Variants in AGBL4 observed in about 807,000 individuals in gnomAD.
The protein encoded by AGBL4 is AGBL carboxypeptidase 4.
AGBL4 carries 58 observed loss-of-function variants against 66.4 expected under a neutral mutation model. The ratio of observed to expected loss-of-function variants is 0.87; its 90% confidence interval spans 0.71 to 1.09. The LOEUF (loss-of-function observed/expected upper bound fraction) is 1.09, where lower values mean the gene tolerates loss of function less well. Among genes scored for constraint, AGBL4 ranks in the 50% least tolerant of loss-of-function variants. The pLI is 0.00. For missense variants in AGBL4, 579 were observed against 631.0 expected, an observed-to-expected ratio of 0.92 and a Z score of 0.88; for synonymous variants, 234 against 222.9, an observed-to-expected ratio of 1.05 and a Z score of -0.44.
At chr1:48,733,802 G>A (rs1648557743) in intron 6 of AGBL4, among the ~76,000 whole-genome samples, 1 of 152,194 alleles carries the variant, frequency 6.6e-6, no homozygotes, top group African/African-American at 2.4e-5. Flanking sequence ...ATCAGCTTGT[G>A]GGTCTCTGTG....
At chr1:48,596,573 A>G (rs1332604408) in intron 9 of AGBL4, among the ~76,000 whole-genome samples, 1 of 152,170 alleles carries the variant, frequency 6.6e-6, no homozygotes, top group African/African-American at 2.4e-5. Context: ...TAAACAAAAT[A>G]ATGCAAAGGT....
At chr1:49,530,257 T>C (rs1650991946) in intron 3 of AGBL4, among the ~76,000 whole-genome samples, 1 of 25,410 alleles carries the variant, frequency 3.9e-5, no homozygotes, top group Non-Finnish European at 9.9e-5. Context: ...AAGTAGAATT[T>C]GTAAAAAAAA....
chr1:48,757,656 T>C (rs1363069764), intron 6 of AGBL4, among the ~76,000 whole-genome samples: 1 of 152,226 alleles, frequency 6.6e-6, no homozygotes, highest in Non-Finnish European at 1.5e-5. Context: ...ACTGAGCCAC[T>C]ACCTTGGGGA....
At chr1:50,004,724 T>C (rs772119591) in intron 1 of AGBL4, among the ~76,000 whole-genome samples, 3 of 152,058 alleles carry the variant, frequency 2.0e-5, no homozygotes, top group Non-Finnish European at 2.9e-5. Flanking sequence ...GGATGCATCA[T>C]TTGCTGATTA....
intron 3 of AGBL4, among the ~76,000 whole-genome samples, chr1:49,639,238 C>T (rs1464881129): frequency 6.6e-6 from 1 of 152,110 alleles, no homozygotes; most frequent in African/African-American, 2.4e-5. Context: ...TCGTGGTAAT[C>T]CATTCTAACA....
intron 2 of AGBL4, among the ~76,000 whole-genome samples, chr1:49,757,793 A>G (rs144992178): frequency 4.4e-3 from 669 of 152,288 alleles, no homozygotes; most frequent in Middle Eastern, 0.01. Flanking sequence ...GAAGAAGAGC[A>G]TGAAAGTTTG....
intron 11 of AGBL4, among the ~76,000 whole-genome samples, chr1:48,540,492 C>T (rs558496710): frequency 6.6e-6 from 1 of 152,094 alleles, no homozygotes; most frequent in Non-Finnish European, 1.5e-5. Flanking sequence ...CCTGCCTTCT[C>T]CTTGGCTAAT....
intron 5 of AGBL4, among the ~76,000 whole-genome samples, chr1:48,910,784 C>T (rs777505903): frequency 6.6e-6 from 1 of 152,128 alleles, no homozygotes; most frequent in Non-Finnish European, 1.5e-5. Flanking sequence ...AATATTTTTA[C>T]CAAATGGATT....
intron 4 of AGBL4, among the ~76,000 whole-genome samples, chr1:49,184,054 A>C (rs1434491786): frequency 6.6e-6 from 1 of 152,198 alleles, no homozygotes; most frequent in East Asian, 1.9e-4. Context: ...TTTGATCTTT[A>C]GCAATTATTC....
chr1:48,848,136 G>A (rs972185092), intron 6 of AGBL4, among the ~76,000 whole-genome samples: 1 of 152,194 alleles, frequency 6.6e-6, no homozygotes, highest in Non-Finnish European at 1.5e-5. Flanking sequence ...GGGACACTGA[G>A]AAATCATATT....
chr1:49,423,852 G>A (rs377452374), intron 3 of AGBL4, among the ~76,000 whole-genome samples: 1 of 150,874 alleles, frequency 6.6e-6, no homozygotes, highest in Non-Finnish European at 1.5e-5. Flanking sequence ...TAACGTAAAT[G>A]GTTTCCAAGA....
intron 9 of AGBL4, 89 bp from the exon 10 acceptor site, chr1:48,591,074 CCACACACACCCACCCACCCCCCCCCACA>C: frequency 1.0e-6 from 1 of 992,888 alleles, no homozygotes; most frequent in Non-Finnish European, 1.4e-6. Flanking sequence ...CACACACCCC[CCACACACACCCACCCACCCCCCCCCACA>C]CACACACACA....
intron 5 of AGBL4, among the ~76,000 whole-genome samples, chr1:49,028,485 A>G (rs1663918589): frequency 6.6e-6 from 1 of 152,232 alleles, no homozygotes; most frequent in Admixed American, 6.5e-5. Flanking sequence ...AACTTGAAGT[A>G]GGATAAACTC....
At chr1:49,167,706 G>C (rs1646659486) in intron 4 of AGBL4, among the ~76,000 whole-genome samples, 1 of 152,160 alleles carries the variant, frequency 6.6e-6, no homozygotes, top group African/African-American at 2.4e-5. Context: ...ATTCAACTGA[G>C]ATTCAGAATA....
intron 3 of AGBL4, among the ~76,000 whole-genome samples, chr1:49,568,075 C>A (rs1163255700): frequency 2.0e-5 from 3 of 152,152 alleles, no homozygotes; most frequent in African/African-American, 7.2e-5. Context: ...TGCTCTCTCT[C>A]ATCCCTCCTG....
intron 3 of AGBL4, among the ~76,000 whole-genome samples, chr1:49,505,106 A>G (rs1241849319): frequency 6.6e-6 from 1 of 152,152 alleles, no homozygotes; most frequent in East Asian, 1.9e-4. Context: ...AACTCTAGTC[A>G]CATGAAATAA....
intron 2 of AGBL4, among the ~76,000 whole-genome samples, chr1:49,837,503 C>G (rs1462906301): frequency 6.6e-6 from 1 of 152,204 alleles, no homozygotes; most frequent in African/African-American, 2.4e-5. Context: ...CAGTAAATTG[C>G]AAGGTTGGCA....
intron 1 of AGBL4, among the ~76,000 whole-genome samples, chr1:49,856,204 C>A (rs1646428949): frequency 6.6e-6 from 1 of 151,726 alleles, no homozygotes; most frequent in Non-Finnish European, 1.5e-5. Flanking sequence ...AAATAGAAAA[C>A]CTGAACAGAT....
At chr1:50,004,630 C>T (rs921539971) in intron 1 of AGBL4, among the ~76,000 whole-genome samples, 2 of 152,122 alleles carry the variant, frequency 1.3e-5, no homozygotes, top group African/African-American at 4.8e-5. Context: ...TCATTCCAGA[C>T]CACAGCTCCC....
Sources: gnomAD v4.1 joint callset for allele counts (sites outside exome capture counted in the v4.1 genomes callset) on GRCh38, gnomAD v4.1.1 for gene constraint, MANE v1.5 for transcripts, NCBI Gene and HGNC (gene_info 2026-07-23, HGNC 2026-07-21) for gene names.